The following XPR1 variants were observed in gnomAD, a reference collection of about 807,000 sequenced individuals.
XPR1 encodes xenotropic and polytropic retrovirus receptor 1, also known as solute carrier family 53 member 1.
In XPR1, 28 loss-of-function variants were observed where a neutral mutation model predicts 87.5. That is an observed-to-expected ratio of 0.32 (90% confidence interval 0.24 to 0.44). The LOEUF is 0.44. Ranked by LOEUF, XPR1 falls within the 20% of genes least tolerant of loss-of-function variation. The probability of loss-of-function intolerance (pLI) is 1.00; values close to 1 mark genes in which losing one functional copy is unlikely to be tolerated. For synonymous variants in XPR1, 300 were observed against 306.1 expected (o/e 0.98, Z 0.21); for missense variants, 559 against 862.3 (o/e 0.65, Z 4.41).
chr1:180,662,898 T>C (rs902440998), intron 1 of XPR1, among the ~76,000 whole-genome samples: 1 of 151,762 alleles, frequency 6.6e-6, no homozygotes, highest in Admixed American at 6.6e-5. Context: ...GCTTGATCAC[T>C]TCTGTTATTA....
At position 180,836,535 on chromosome 1, in the gene XPR1, C is replaced by T. The variant is rs1239304311; in HGVS notation, c.1320C>T (p.Cys440=). 1 of 1,613,734 alleles carries T rather than the reference C, an allele frequency of 6.2e-7. No individual in the cohort carries two copies. Among genetic ancestry groups the T allele is most frequent in the Non-Finnish European group, 8.5e-7 (1 of 1,179,974 alleles). ...LPNNSEESGI[C]HKYTYGVRAI... is the part of the protein sequence containing the mutation. ...AAATCTTCACAGAATCAGGAATTTG[C>T]CACAAATATACATATGGTGTGCGGG... The change falls in exon 11 of 15, where the codon TGC becomes TGT. Residue 440 remains cysteine, a synonymous_variant. Coordinates refer to ENST00000367590, the MANE Select transcript of XPR1 (RefSeq NM_004736.4).
intron 1 of XPR1, among the ~76,000 whole-genome samples, chr1:180,671,276 A>G (rs1283402545): frequency 6.6e-6 from 1 of 152,178 alleles, no homozygotes; most frequent in African/African-American, 2.4e-5. Flanking sequence ...ATTTGGCAGC[A>G]TTTTGTAAGA....
intron 2 of XPR1, among the ~76,000 whole-genome samples, chr1:180,714,210 T>C (rs1231455239): frequency 6.6e-6 from 1 of 151,904 alleles, no homozygotes; most frequent in Non-Finnish European, 1.5e-5. Flanking sequence ...ATTCCTGATA[T>C]TGGCCATTTG....
At chr1:180,691,364 TTTAAA>T (rs1346601671) in intron 2 of XPR1, among the ~76,000 whole-genome samples, 3 of 152,170 alleles carry the variant, frequency 2.0e-5, no homozygotes. Context: ...TTTTAGACTA[TTTAAA>T]TTAAAATAGA....
Position 180,788,715 on chromosome 1 carries a change from A to G in XPR1, c.223+861A>G, listed in dbSNP as rs1235033895. ...AATATCCAAAATATAAAATTACTCTATTTTTTATTTTCATATTTAATATGC... is the reference window on the plus strand; with the variant it reads ...AATATCCAAAATATAAAATTACTCTGTTTTTTATTTTCATATTTAATATGC... On this transcript the variant is annotated intron_variant, in intron 3 of 14. Coordinates refer to ENST00000367590, the MANE Select transcript of XPR1 (RefSeq NM_004736.4). Among the ~76,000 whole-genome samples, 5 of 140,060 alleles carry G rather than the reference A, an allele frequency of 3.6e-5. No individual in the cohort carries two copies. In the East Asian group the frequency reaches 9.8e-4, roughly 28 times the overall value. The allele number at this position is 140,060 out of a possible 152,430, so 91.9% of individuals were successfully genotyped here.
intron 1 of XPR1, among the ~76,000 whole-genome samples, chr1:180,641,706 A>C (rs1215535060): frequency 6.6e-6 from 1 of 152,120 alleles, no homozygotes; most frequent in East Asian, 1.9e-4. Flanking sequence ...TTTAATTTTT[A>C]ATCTTTTTTA....
chr1:180,777,818 TTTAA>T (rs1411922603), intron 2 of XPR1, among the ~76,000 whole-genome samples: 1 of 152,216 alleles, frequency 6.6e-6, no homozygotes, highest in Non-Finnish European at 1.5e-5. Flanking sequence ...TGGTCATATA[TTTAA>T]TTTTTATTTA....
intron 2 of XPR1, among the ~76,000 whole-genome samples, chr1:180,689,109 T>G (rs1482311671): frequency 6.6e-6 from 1 of 152,140 alleles, no homozygotes; most frequent in Non-Finnish European, 1.5e-5. Context: ...GTAACGGAAC[T>G]AAGAAATTGA....
At position 180,854,553 on chromosome 1, in the gene XPR1, C is replaced by T. The variant is rs56984019; in HGVS notation, c.1502-9155C>T. Among the ~76,000 whole-genome samples the T allele has an allele frequency of 7.9e-3, 1,200 of 152,262 alleles. 17 individuals are homozygous for T. The highest frequency in any genetic ancestry group is 0.027 in the African/African-American group (1,136 of 41,536). The stretch of plus-strand genomic sequence containing the variant: ...CTCAGTCTCTGTGGACCAGCCAGAA[C>T]GAGTCTGTGATCAGCAGTCATTTAT... On this transcript the variant is annotated intron_variant, in intron 11 of 14. Transcript: ENST00000367590.
chr1:180,695,464 T>G (rs12240174), intron 2 of XPR1, among the ~76,000 whole-genome samples: 5,100 of 150,716 alleles, frequency 0.034, 194 homozygotes, highest in African/African-American at 0.093. Context: ...GCGCGCGCTT[T>G]TGTTGCCTGC....
At chr1:180,813,476 T>C (rs1334309281) in intron 7 of XPR1, among the ~76,000 whole-genome samples, 1 of 152,198 alleles carries the variant, frequency 6.6e-6, no homozygotes, top group Non-Finnish European at 1.5e-5. Flanking sequence ...TATATATTTA[T>C]ATTTCTTGTG....
intron 2 of XPR1, among the ~76,000 whole-genome samples, chr1:180,712,941 C>CTT (rs60236840): frequency 2.4e-4 from 31 of 130,188 alleles, no homozygotes; most frequent in South Asian, 9.9e-4. Flanking sequence ...CAGCTTTGTT[C>CTT]TTTTTTTTTT....
chr1:180,862,260 C>T (rs145694980), intron 11 of XPR1, among the ~76,000 whole-genome samples: 2 of 152,156 alleles, frequency 1.3e-5, no homozygotes, highest in East Asian at 1.9e-4. Context: ...CTAAAGCCCA[C>T]GAAGGCGTTC....
Position 180,889,090 on chromosome 1 carries a change from TG to T in XPR1, c.*5026del, listed in dbSNP as rs1280703175. 2 of 152,214 alleles carry T rather than the reference TG, an allele frequency of 1.3e-5. No homozygotes were observed. The highest frequency in any genetic ancestry group is 2.9e-5 in the Non-Finnish European group (2 of 68,030). The allele number at this position is 152,214 out of a possible 1,614,324, so 9.4% of individuals were successfully genotyped here. ...CTTCCAGAATATGTTTGCTTATTTA[TG>T]GTGGAAGAGGAAGTGAGAACAAGAT... On this transcript the variant is annotated 3_prime_UTR_variant, in exon 15 of 15. Coordinates refer to ENST00000367590, the MANE Select transcript of XPR1 (RefSeq NM_004736.4).
intron 1 of XPR1, among the ~76,000 whole-genome samples, chr1:180,678,675 A>G (rs985669021): frequency 6.6e-6 from 1 of 152,206 alleles, no homozygotes; most frequent in Non-Finnish European, 1.5e-5. Context: ...AAATACATCA[A>G]TTTAAAAATT....
intron 11 of XPR1, among the ~76,000 whole-genome samples, chr1:180,847,071 C>T (rs372095616): frequency 6.6e-6 from 1 of 152,050 alleles, no homozygotes; most frequent in Non-Finnish European, 1.5e-5. Flanking sequence ...TTTATCCTTA[C>T]CAGGAATCTT....
At chr1:180,865,371 C>A (rs750589558) in intron 12 of XPR1, among the ~76,000 whole-genome samples, 33 of 151,062 alleles carry the variant, frequency 2.2e-4, no homozygotes, top group Non-Finnish European at 4.1e-4. Flanking sequence ...TTACATTGTT[C>A]TTGCCCTCTG....
intron 13 of XPR1, among the ~76,000 whole-genome samples, chr1:180,875,653 G>A (rs1010256903): frequency 6.6e-6 from 1 of 151,792 alleles, no homozygotes; most frequent in Non-Finnish European, 1.5e-5. Context: ...ATATAGCTCA[G>A]GAAATAAGAA....
intron 10 of XPR1, among the ~76,000 whole-genome samples, chr1:180,835,501 C>T (rs971429605): frequency 3.3e-5 from 5 of 152,002 alleles, no homozygotes; most frequent in Admixed American, 6.6e-5. Context: ...TTCGCACCCC[C>T]CCCTTAGTTT....
Sources: gnomAD v4.1 joint callset for allele counts (sites outside exome capture counted in the v4.1 genomes callset) on GRCh38, gnomAD v4.1.1 for gene constraint, MANE v1.5 for transcripts, NCBI Gene and HGNC (gene_info 2026-07-23, HGNC 2026-07-21) for gene names.